The following PTPRN2 variants were observed in gnomAD, a reference collection of about 807,000 sequenced individuals.
PTPRN2 encodes receptor-type tyrosine-protein phosphatase N2.
A neutral mutation model predicts 118.8 loss-of-function variants in PTPRN2; 74 were observed. The ratio of observed to expected loss-of-function variants is 0.62; its 90% confidence interval spans 0.52 to 0.76. The LOEUF (loss-of-function observed/expected upper bound fraction) is 0.76. Ranked by LOEUF, PTPRN2 falls within the 30% of genes least tolerant of loss-of-function variation. The pLI is 0.00. For missense variants in PTPRN2, 1,481 were observed against 1,394.4 expected (o/e 1.06, Z -0.99); for synonymous variants, 641 against 608.0 (o/e 1.05, Z -0.80).
chr7:158,071,166 AG>A (rs1811436604), intron 11 of PTPRN2, among the ~76,000 whole-genome samples: 1 of 8,562 alleles, frequency 1.2e-4, no homozygotes, highest in Admixed American at 2.1e-3. Context: ...CTCGTGGTGG[AG>A]GTGCTCTTAG....
chr7:157,708,517 C>T (rs1184128449), intron 12 of PTPRN2, among the ~76,000 whole-genome samples: 1 of 151,886 alleles, frequency 6.6e-6, no homozygotes, highest in African/African-American at 2.4e-5. Context: ...GCAGAAGGTA[C>T]TCCAGAGTTG....
intron 13 of PTPRN2, among the ~76,000 whole-genome samples, chr7:157,666,336 T>C (rs1796134992): frequency 6.6e-6 from 1 of 152,032 alleles, no homozygotes; most frequent in Non-Finnish European, 1.5e-5. Context: ...GAGAAAGTTA[T>C]TAAGAAAATT....
At chr7:158,462,999 G>GCT (rs1376170938) in intron 2 of PTPRN2, among the ~76,000 whole-genome samples, 3 of 8,446 alleles carry the variant, frequency 3.6e-4, no homozygotes, top group African/African-American at 5.8e-4. Context: ...GTGATGATTT[G>GCT]AACTCAGATC....
rs368499743 is a variant in PTPRN2 at position 158,527,873 on chromosome 7, A to G, written c.113-38088T>C. On this transcript the variant is annotated intron_variant, in intron 1 of 22. Coordinates refer to ENST00000389418, the MANE Select transcript of PTPRN2 (RefSeq NM_002847.5). ...GCACCAGCCACATCTCACCTGCCCC[A>G]CAAGCTGCGCCTCGGTGCTGCTGTC... 1.9e-3 allele frequency among the ~76,000 whole-genome samples: 293 copies of G among 152,268 alleles called. 1 individual carries two copies. Among genetic ancestry groups the G allele is most frequent in the African/African-American group, 6.7e-3 (278 of 41,538 alleles).
chr7:158,019,784 G>A (rs932888063), intron 11 of PTPRN2, among the ~76,000 whole-genome samples: 5 of 150,872 alleles, frequency 3.3e-5, no homozygotes, highest in Admixed American at 6.6e-5. Context: ...CGGGGGAGCC[G>A]CGCAGCATGA....
intron 10 of PTPRN2, 147 bp from the exon 11 acceptor site, chr7:158,081,524 C>T (rs1008785692): frequency 1.8e-5 from 13 of 702,994 alleles, no homozygotes; most frequent in African/African-American, 5.3e-5. Flanking sequence ...CACTGGACGT[C>T]GGTTTTCCTT....
At chr7:158,233,594 A>G (rs903700089) in intron 3 of PTPRN2, among the ~76,000 whole-genome samples, 8 of 152,322 alleles carry the variant, frequency 5.3e-5, no homozygotes, top group Non-Finnish European at 8.8e-5. Flanking sequence ...CAAAATGCCA[A>G]TGACACTCTT....
intron 2 of PTPRN2, among the ~76,000 whole-genome samples, chr7:158,419,053 A>C (rs1041631027): frequency 6.6e-6 from 1 of 152,226 alleles, no homozygotes; most frequent in South Asian, 2.1e-4. Flanking sequence ...CTCCTTCACC[A>C]TGCAATGAGG....
At chr7:158,247,652 T>C (rs1299444093) in intron 3 of PTPRN2, among the ~76,000 whole-genome samples, 1 of 152,182 alleles carries the variant, frequency 6.6e-6, no homozygotes, top group Non-Finnish European at 1.5e-5. Context: ...GTTTCATTCT[T>C]GTGGCCCAGG....
intron 13 of PTPRN2, among the ~76,000 whole-genome samples, chr7:157,657,269 C>T (rs1211700049): frequency 1.5e-5 from 1 of 67,218 alleles, no homozygotes; most frequent in Admixed American, 1.6e-4. Flanking sequence ...CACACACATA[C>T]ACCACACACA....
At chr7:157,654,217 G>A (rs1465399525) in intron 14 of PTPRN2, among the ~76,000 whole-genome samples, 1 of 84,044 alleles carries the variant, frequency 1.2e-5, no homozygotes, top group East Asian at 3.6e-4. Context: ...GACGCCTGCC[G>A]CTTCCCACTC....
At chr7:157,646,680 ACAGAGTCC>A (rs1805096095) in intron 14 of PTPRN2, among the ~76,000 whole-genome samples, 1 of 152,122 alleles carries the variant, frequency 6.6e-6, no homozygotes, top group Non-Finnish European at 1.5e-5. Flanking sequence ...CAGGTACAGA[ACAGAGTCC>A]CAGGAGCGTC....
At chr7:157,896,931 C>T (rs1797165246) in intron 12 of PTPRN2, among the ~76,000 whole-genome samples, 1 of 152,100 alleles carries the variant, frequency 6.6e-6, no homozygotes, top group East Asian at 1.9e-4. Flanking sequence ...ATTCCCCGTC[C>T]CCCACCCTTG....
At chr7:158,131,984 ACACT>A (rs1237351108) in intron 9 of PTPRN2, among the ~76,000 whole-genome samples, 43 of 150,458 alleles carry the variant, frequency 2.9e-4, no homozygotes, top group South Asian at 8.6e-4. Flanking sequence ...CCCAACACAC[ACACT>A]CACACACATG....
At chr7:157,636,372 T>G (rs896937629) in intron 14 of PTPRN2, among the ~76,000 whole-genome samples, 8 of 152,236 alleles carry the variant, frequency 5.3e-5, no homozygotes, top group Non-Finnish European at 1.0e-4. Context: ...ATCCTTTGTG[T>G]GTTTCTCTTC....
rs955797100 is a variant in PTPRN2, at chr7:157,848,044, G to A, written c.1788+50629C>T. ...AGCCCTCTCTCATTACATCGTGTGT[G>A]CCTGATGTTTACAGAGCCCTCTCTC... On this transcript the variant is annotated intron_variant, in intron 12 of 22. Coordinates refer to ENST00000389418, the MANE Select transcript of PTPRN2 (RefSeq NM_002847.5). Among the ~76,000 whole-genome samples, 11 of 150,324 alleles carry A rather than the reference G, an allele frequency of 7.3e-5. 2 individuals carry two copies. Among genetic ancestry groups the A allele is most frequent in the African/African-American group, 2.7e-4 (11 of 40,754 alleles).
At position 157,649,075 on chromosome 7, in the gene PTPRN2, C is replaced by T. The variant is rs544193996; in HGVS notation, c.2196+7282G>A. On this transcript the variant is annotated intron_variant, in intron 14 of 22. Coordinates refer to ENST00000389418, the MANE Select transcript of PTPRN2 (RefSeq NM_002847.5). ...CCAGCGTGCACTGAACTCGGTGGGTCAGACCCATTCACTGTGCACTGAACT... is the reference window on the plus strand; with the variant it reads ...CCAGCGTGCACTGAACTCGGTGGGTTAGACCCATTCACTGTGCACTGAACT... Among the ~76,000 whole-genome samples, 89 of 124,146 alleles carry T rather than the reference C, an allele frequency of 7.2e-4. 7 individuals are homozygous for T. The highest frequency in any genetic ancestry group is 6.3e-3 in the Admixed American group (77 of 12,214). The allele number at this position is 124,146 out of a possible 152,430, so 81.4% of individuals were successfully genotyped here.
At chr7:158,154,877 C>T (rs1821559124) in intron 6 of PTPRN2, among the ~76,000 whole-genome samples, 1 of 152,190 alleles carries the variant, frequency 6.6e-6, no homozygotes, top group Non-Finnish European at 1.5e-5. Context: ...ATTTTATGAA[C>T]ATGCTGAGTT....
At chr7:158,394,003 G>A (rs1812138979) in intron 2 of PTPRN2, among the ~76,000 whole-genome samples, 1 of 151,808 alleles carries the variant, frequency 6.6e-6, no homozygotes, top group South Asian at 2.1e-4. Flanking sequence ...GGCATCCTGG[G>A]TAACAATGTC....
Sources: gnomAD v4.1 joint callset for allele counts (sites outside exome capture counted in the v4.1 genomes callset) on GRCh38, gnomAD v4.1.1 for gene constraint, MANE v1.5 for transcripts, NCBI Gene and HGNC (gene_info 2026-07-23, HGNC 2026-07-21) for gene names.